Variants in KLF12 observed in about 807,000 individuals in gnomAD.
KLF12 encodes KLF transcription factor 12, also known as Krueppel-like factor 12.
A neutral mutation model predicts 37.8 loss-of-function variants in KLF12; 9 were observed. The ratio of observed to expected loss-of-function variants is 0.24; its 90% CI spans 0.14 to 0.42. The LOEUF is 0.42. KLF12 is among the 10% of genes least tolerant of loss of function. KLF12 has a pLI of 1.00. For missense variants in KLF12, 411 were observed against 516.0 expected, an observed-to-expected ratio of 0.80 and a Z score of 1.97; for synonymous variants, 208 against 202.1, an observed-to-expected ratio of 1.03 and a Z score of -0.25.
intron 4 of KLF12, among the ~76,000 whole-genome samples, chr13:73,831,854 C>G (rs1303523220): frequency 6.6e-6 from 1 of 152,142 alleles, no homozygotes; most frequent in Non-Finnish European, 1.5e-5. Context: ...AGAAGTGCTA[C>G]AAAATTTTGT....
intron 4 of KLF12, among the ~76,000 whole-genome samples, chr13:73,833,848 A>C (rs1884291370): frequency 6.6e-6 from 1 of 152,064 alleles, no homozygotes; most frequent in African/African-American, 2.4e-5. Context: ...TGCTGGTTAC[A>C]TGTTATGTTT....
chr13:74,067,460 G>C (rs1218281692), intron 1 of KLF12, among the ~76,000 whole-genome samples: 5 of 152,192 alleles, frequency 3.3e-5, no homozygotes, highest in African/African-American at 1.2e-4. Context: ...AAAAACTCAA[G>C]AGGAAATGTG....
intron 3 of KLF12, among the ~76,000 whole-genome samples, chr13:73,930,821 T>A (rs1593744919): frequency 6.6e-6 from 1 of 152,188 alleles, no homozygotes; most frequent in Non-Finnish European, 1.5e-5. Flanking sequence ...ATCATTAATG[T>A]TAAATCTTTT....
the KLF12 span, among the ~76,000 whole-genome samples, chr13:74,254,354 T>C: frequency 1.3e-5 from 2 of 152,216 alleles, no homozygotes; most frequent in African/African-American, 4.8e-5. Context: ...ATATCTCTTA[T>C]GCTTTTACAT....
chr13:74,174,973 G>C, the KLF12 span, among the ~76,000 whole-genome samples: 1 of 152,162 alleles, frequency 6.6e-6, no homozygotes, highest in Non-Finnish European at 1.5e-5. Flanking sequence ...TTGCAGAACT[G>C]GCTGGGTGAG....
chr13:73,908,647 A>C (rs769779444), intron 3 of KLF12, among the ~76,000 whole-genome samples: 4 of 151,650 alleles, frequency 2.6e-5, no homozygotes, highest in Non-Finnish European at 5.9e-5. Context: ...TGCCCGGTTA[A>C]TATTTGTATT....
At chr13:74,175,146 A>G in the KLF12 span, among the ~76,000 whole-genome samples, 2 of 152,186 alleles carry the variant, frequency 1.3e-5, no homozygotes, top group South Asian at 2.1e-4. Flanking sequence ...TTTTTTTACC[A>G]TTGCACATTC....
chr13:74,284,889 T>C, the KLF12 span, among the ~76,000 whole-genome samples: 2 of 152,246 alleles, frequency 1.3e-5, no homozygotes, highest in Admixed American at 6.5e-5. Flanking sequence ...TCCCATATCC[T>C]ATTTGAAAGT....
intron 2 of KLF12, among the ~76,000 whole-genome samples, chr13:73,987,046 C>T (rs1387726516): frequency 2.0e-5 from 3 of 152,076 alleles, no homozygotes; most frequent in Admixed American, 6.5e-5. Flanking sequence ...AAGTGTCTTG[C>T]TCTAAAAGCA....
At chr13:74,216,402 AC>A in the KLF12 span, among the ~76,000 whole-genome samples, 1 of 152,140 alleles carries the variant, frequency 6.6e-6, no homozygotes, top group Non-Finnish European at 1.5e-5. Flanking sequence ...AGGTTAATGT[AC>A]AACAGCGTAG....
chr13:73,957,803 T>G (rs1230895594), intron 2 of KLF12, among the ~76,000 whole-genome samples: 1 of 152,126 alleles, frequency 6.6e-6, no homozygotes, highest in African/African-American at 2.4e-5. Context: ...ACAATAAAAA[T>G]GATCACAAGT....
chr13:73,877,997 A>G, intron 3 of KLF12, among the ~76,000 whole-genome samples: 1 of 152,198 alleles, frequency 6.6e-6, no homozygotes, highest in South Asian at 2.1e-4. Context: ...GTCACCAAAC[A>G]GATGTTTATA....
At chr13:74,219,631 A>C in the KLF12 span, among the ~76,000 whole-genome samples, 1 of 152,238 alleles carries the variant, frequency 6.6e-6, no homozygotes, top group Non-Finnish European at 1.5e-5. Flanking sequence ...AAAATTGTTT[A>C]AGAAATAATT....
chr13:74,141,305 A>G, the KLF12 span, among the ~76,000 whole-genome samples: 1 of 152,236 alleles, frequency 6.6e-6, no homozygotes, highest in East Asian at 1.9e-4. Context: ...TTTGAGAGTC[A>G]TCAAATAGGT....
At chr13:73,966,670 T>G (rs891957790) in intron 2 of KLF12, among the ~76,000 whole-genome samples, 12 of 152,292 alleles carry the variant, frequency 7.9e-5, no homozygotes, top group African/African-American at 2.6e-4. Flanking sequence ...TTCCTTACAT[T>G]TGCCCCCAAT....
intron 7 of KLF12, among the ~76,000 whole-genome samples, chr13:73,700,282 AAATT>A (rs1375181715): frequency 6.7e-5 from 10 of 149,160 alleles, no homozygotes; most frequent in South Asian, 2.1e-4. Context: ...ATAAATAAAT[AAATT>A]AATTAATTAA....
chr13:73,774,272 C>CTA (rs200194480), intron 5 of KLF12, among the ~76,000 whole-genome samples: 9 of 125,164 alleles, frequency 7.2e-5, no homozygotes, highest in Non-Finnish European at 1.2e-4. Flanking sequence ...CATATACAAA[C>CTA]TATATATATA....
the KLF12 span, among the ~76,000 whole-genome samples, chr13:74,278,208 C>A: frequency 6.6e-6 from 1 of 152,290 alleles, no homozygotes; most frequent in East Asian, 1.9e-4. Context: ...TCTATTTGGG[C>A]TGATTATTTC....
intron 1 of KLF12, among the ~76,000 whole-genome samples, chr13:74,115,680 G>T (rs578117271): frequency 6.9e-6 from 1 of 145,456 alleles, no homozygotes; most frequent in East Asian, 2.0e-4. Context: ...ACTCCAGCCT[G>T]GGCGACAGAG....
Sources: allele counts gnomAD v4.1 joint callset (sites outside exome capture counted in the v4.1 genomes callset), GRCh38; gene constraint gnomAD v4.1.1; transcripts MANE v1.5; gene names NCBI Gene and HGNC (gene_info 2026-07-23, HGNC 2026-07-21).